SEC13: variants seen among roughly 807,000 people sequenced by gnomAD.
SEC13 encodes SEC13 homolog, nuclear pore and COPII component.
SEC13 carries 25 observed loss-of-function variants against 49.2 expected under a neutral mutation model. That is an observed-to-expected ratio of 0.51 (90% CI 0.37 to 0.71). The LOEUF (loss-of-function observed/expected upper bound fraction) is 0.71. Ranked by LOEUF, SEC13 falls within the 30% of genes least tolerant of loss-of-function variation. The pLI is 0.00. For missense variants in SEC13, 383 were observed against 417.6 expected, an observed-to-expected ratio of 0.92 and a Z score of 0.72; for synonymous variants, 148 against 163.9, an observed-to-expected ratio of 0.90 and a Z score of 0.74.
At chr3:10,314,648 A>G (rs746163000) in intron 3 of SEC13, among the ~76,000 whole-genome samples, 2 of 152,218 alleles carry the variant, frequency 1.3e-5, no homozygotes, top group Admixed American at 6.5e-5. Flanking sequence ...AGGCAAACCC[A>G]CAAATACGTG....
chr3:10,317,972 T>C, intron 2 of SEC13, 78 bp downstream of exon 2: 2 of 994,136 alleles, frequency 2.0e-6, no homozygotes, highest in South Asian at 1.4e-5. Context: ...AAAGGGGTAA[T>C]GAAAACCCCA....
rs1394688162 is a variant in SEC13 at position 10,304,036 on chromosome 3, C to T, written c.845G>A (p.Gly282Glu). 1 of 1,614,150 alleles carries T rather than the reference C, an allele frequency of 6.2e-7. No individual in the cohort carries two copies. The highest frequency in any genetic ancestry group is 2.2e-5 in the East Asian group (1 of 44,878). Residue 282 changes from glycine to glutamate, a missense_variant, in exon 8 of 9, where the codon GGA (glycine) becomes GAA (glutamate). Gly to Glu is a moderately conservative substitution (Grantham distance 98). Transcript: ENST00000350697. ...ITANILAVSG[G>E]DNKVTLWKES... ...GGAATGGGTATGTACCTTATTGTCT[C>T]CACCAGAGACAGCCAGGATGTTGGC...
At position 10,301,326 on chromosome 3, in the gene SEC13, C is replaced by T; in HGVS notation, c.904G>A (p.Asp302Asn). The T allele has an allele frequency of 6.2e-7, 1 of 1,614,190 alleles. No homozygotes were observed. Among genetic ancestry groups the T allele is most frequent in the South Asian group, 1.1e-5 (1 of 91,080 alleles). ...SVDGQWVCIS[D>N]VNKGQGSVSA... ...ACGGAGCCCTGGCCCTTGTTGACAT[C>T]ACTGATGCACACCCACTGCCCATCA... The change falls in exon 9 of 9, where the codon GAT becomes AAT. Residue 302 changes from aspartate (D) to asparagine (N), a missense_variant. By Grantham distance (23) the Asp-to-Asn change is conservative (BLOSUM62 1). Transcript: ENST00000350697.
intron 8 of SEC13, among the ~76,000 whole-genome samples, chr3:10,302,900 G>A (rs116120379): frequency 0.032 from 4,857 of 152,292 alleles, 273 homozygotes; most frequent in African/African-American, 0.11. Context: ...CAGCATGGAG[G>A]AACCTTAAGG....
rs771454884 is a variant in SEC13, at chr3:10,311,997, A to G, written c.418T>C (p.Trp140Arg). The G allele has an allele frequency of 4.8e-5, 78 of 1,614,006 alleles. No individual in the cohort carries two copies. The highest frequency in any genetic ancestry group is 6.4e-5 in the Non-Finnish European group (75 of 1,180,022). ...SLLTYTGEGQWEVKKINNAHT... is the reference protein window; with the variant it reads ...SLLTYTGEGQREVKKINNAHT... The stretch of plus-strand genomic sequence containing the variant: ...GCGTTGTTGATCTTCTTTACTTCCC[A>G]TTGGCCTTCCCCGGTGTAAGTCAGC... Residue 140 changes from tryptophan (W) to arginine (R), a missense_variant, in exon 5 of 9, where the codon TGG becomes CGG. Trp to Arg is a moderately radical substitution (Grantham distance 101, BLOSUM62 -3). Transcript: ENST00000350697.
At position 10,301,340 on chromosome 3, in the gene SEC13, C is replaced by G; in HGVS notation, c.890G>C (p.Trp297Ser). ...CTTGTTGACATCACTGATGCACACC[C>G]ACTGCCCATCAACTGACTCCTTCCA... ...TLWKESVDGQ[W>S]VCISDVNKGQ... The change falls in exon 9 of 9, where the codon TGG (tryptophan) becomes TCG (serine). Residue 297 changes from tryptophan (W) to serine (S), a missense_variant. Trp to Ser is a radical substitution (Grantham distance 177). Coordinates refer to ENST00000350697, the MANE Select transcript of SEC13 (RefSeq NM_183352.3). The G allele has an allele frequency of 6.2e-7, 1 of 1,614,194 alleles. No homozygotes were observed. The highest frequency in any genetic ancestry group is 8.5e-7 in the Non-Finnish European group (1 of 1,180,042).
intron 1 of SEC13, chr3:10,320,694 C>T (rs1000980138): frequency 3.5e-6 from 4 of 1,136,406 alleles, no homozygotes; most frequent in African/African-American, 1.6e-5. Context: ...ATAGCACCTT[C>T]TTCACAAGGC....
chr3:10,315,550 G>T, intron 2 of SEC13, 114 bp from the exon 3 acceptor site: 1 of 654,984 alleles, frequency 1.5e-6, no homozygotes. Context: ...AAATCAATCT[G>T]ATCTCAAAGT....
chr3:10,320,599 C>T lies in SEC13; in HGVS notation c.3+451G>A, dbSNP rs1309667574. 4.0e-6 allele frequency: 4 copies of T among 992,788 alleles called. No individual in the cohort carries two copies. The South Asian group carries it at 1.4e-4, about 34-fold the overall frequency. The allele number at this position is 992,788 out of a possible 1,614,324, so 61.5% of individuals were successfully genotyped here. ...GGAATGGTTAGGAGGGTTCAAATCT[C>T]GGCTCTACTACCACTTAAGCAGCTG... is the stretch of plus-strand genomic sequence containing the variant. On this transcript the variant is annotated intron_variant, in intron 1 of 8. Transcript: ENST00000350697.
intron 5 of SEC13, 28 bp from the exon 6 acceptor site, chr3:10,305,720 T>C (rs1457174465): frequency 1.1e-5 from 17 of 1,613,444 alleles, no homozygotes; most frequent in East Asian, 2.2e-5. Flanking sequence ...ATGGTGACTC[T>C]GCCTTGCAAG....
At chr3:10,317,787 A>G (rs1382475872) in intron 2 of SEC13, among the ~76,000 whole-genome samples, 1 of 152,148 alleles carries the variant, frequency 6.6e-6, no homozygotes, top group East Asian at 1.9e-4. Context: ...TATTGGCTGG[A>G]AGACTGACAG....
rs1307023272 is a variant in SEC13, at chr3:10,312,433, G to A, written c.316+146C>T. The stretch of plus-strand genomic sequence containing the variant: ...TTAGGTCTTAGGGCCTTACTCAGCT[G>A]AGGACAGAGTAGCAGAAAAGCCAAC... On this transcript the variant is annotated intron_variant, in intron 4 of 8. Transcript: ENST00000350697. 3 of 992,684 alleles carry A rather than the reference G, an allele frequency of 3.0e-6. No individual in the cohort carries two copies. In the East Asian group the frequency reaches 7.3e-5, roughly 24 times the overall value. The allele number at this position is 992,684 out of a possible 1,614,324, so 61.5% of individuals were successfully genotyped here.
chr3:10,314,644 A>G (rs533630974), intron 3 of SEC13, among the ~76,000 whole-genome samples: 3 of 152,338 alleles, frequency 2.0e-5, no homozygotes, highest in East Asian at 3.9e-4. Context: ...ACCCAGGCAA[A>G]CCCACAAATA....
chr3:10,314,453 T>C (rs1192752970), intron 3 of SEC13, among the ~76,000 whole-genome samples: 2 of 152,226 alleles, frequency 1.3e-5, no homozygotes, highest in African/African-American at 4.8e-5. Context: ...GTGATGACAA[T>C]ATCTGTGAAT....
intron 2 of SEC13, among the ~76,000 whole-genome samples, chr3:10,315,974 G>A (rs1033200003): frequency 2.0e-5 from 3 of 152,200 alleles, no homozygotes; most frequent in African/African-American, 7.2e-5. Context: ...TTCCAGCCCT[G>A]GCCCTGGATC....
intron 3 of SEC13, 38 bp downstream of exon 3, chr3:10,315,283 C>A (rs767958130): frequency 6.8e-7 from 1 of 1,465,666 alleles, no homozygotes; most frequent in Non-Finnish European, 9.5e-7. Context: ...GAACCCACAC[C>A]ATTCCTGGAG....
At chr3:10,313,235 C>T (rs1385819605) in intron 3 of SEC13, 3 of 237,296 alleles carry the variant, frequency 1.3e-5, no homozygotes, top group African/African-American at 6.6e-5. Context: ...TGATCTTTAT[C>T]CATTCACCTG....
At chr3:10,315,580 A>G (rs1481233044) in intron 2 of SEC13, 144 bp from the exon 3 acceptor site, 1 of 620,072 alleles carries the variant, frequency 1.6e-6, no homozygotes, top group East Asian at 2.8e-5. Flanking sequence ...CTCAGGCAGG[A>G]AGCTAGCATG....
chr3:10,318,433 G>A (rs1462506867), intron 1 of SEC13, among the ~76,000 whole-genome samples: 1 of 151,696 alleles, frequency 6.6e-6, no homozygotes, highest in Non-Finnish European at 1.5e-5. Context: ...GGTGGCACAG[G>A]GGAAAATACC....
Sources: allele counts gnomAD v4.1 joint callset (sites outside exome capture counted in the v4.1 genomes callset), GRCh38; gene constraint gnomAD v4.1.1; transcripts MANE v1.5; gene names NCBI Gene and HGNC (gene_info 2026-07-23, HGNC 2026-07-21).